The following CRTC1 variants were observed in gnomAD, a reference collection of about 807,000 sequenced individuals.
The protein encoded by CRTC1 is CREB regulated transcription coactivator 1.
CRTC1 carries 18 observed loss-of-function variants against 66.1 expected under a neutral mutation model. The observed-to-expected ratio is 0.27, with a 90% CI of 0.19 to 0.40. The LOEUF (loss-of-function observed/expected upper bound fraction) is 0.40, where lower values mean the gene tolerates loss of function less well. Ranked by LOEUF, CRTC1 falls within the 10% of genes least tolerant of loss-of-function variation. CRTC1 has a pLI of 1.00. For synonymous variants in CRTC1, 416 were observed against 398.8 expected (o/e 1.04, Z -0.51); for missense variants, 669 against 887.9 (o/e 0.75, Z 3.13).
intron 4 of CRTC1, 110 bp from the exon 5 acceptor site, chr19:18,749,671 A>G: frequency 1.2e-6 from 1 of 866,258 alleles, no homozygotes; most frequent in Non-Finnish European, 1.9e-6. Context: ...GCTCACAAAA[A>G]TGATCCACAG....
chr19:18,747,754 A>G (rs1205425487), intron 4 of CRTC1, among the ~76,000 whole-genome samples: 1 of 152,188 alleles, frequency 6.6e-6, no homozygotes, highest in Non-Finnish European at 1.5e-5. Flanking sequence ...TGATGATAAA[A>G]TTATATTAAC....
At chr19:18,691,955 C>T (rs1389751278) in intron 1 of CRTC1, among the ~76,000 whole-genome samples, 1 of 152,118 alleles carries the variant, frequency 6.6e-6, no homozygotes, top group Non-Finnish European at 1.5e-5. Flanking sequence ...TCAAATGATC[C>T]ACCTGCCTCG....
At chr19:18,754,009 G>A (rs1325724783) in intron 6 of CRTC1, among the ~76,000 whole-genome samples, 1 of 151,596 alleles carries the variant, frequency 6.6e-6, no homozygotes, top group African/African-American at 2.4e-5. Flanking sequence ...ACTGAGGTGG[G>A]AGAATCGTTT....
At chr19:18,757,609 C>T (rs1009259452) in intron 6 of CRTC1, among the ~76,000 whole-genome samples, 3 of 152,220 alleles carry the variant, frequency 2.0e-5, no homozygotes, top group African/African-American at 7.2e-5. Flanking sequence ...TGCCATGGCT[C>T]ACGCCTGTAA....
chr19:18,743,632 G>C lies in CRTC1; in HGVS notation c.243+606G>C, dbSNP rs528279734. ...GCTCTGCATGGACAGGTCCCCCTGG[G>C]GGGGGGTCACACCTACTCTGTGGCT... On this transcript the variant is annotated intron_variant, in intron 2 of 13. Transcript: ENST00000321949. 1.6e-4 allele frequency among the ~76,000 whole-genome samples: 25 copies of C among 152,292 alleles called. No individual in the cohort carries two copies. The South Asian group carries it at 4.1e-3, about 25-fold the overall frequency.
At chr19:18,724,647 G>T (rs577722917) in intron 1 of CRTC1, among the ~76,000 whole-genome samples, 20 of 149,902 alleles carry the variant, frequency 1.3e-4, no homozygotes, top group Non-Finnish European at 2.4e-4. Context: ...TGGCTGCATC[G>T]CCCCAATCCC....
At chr19:18,701,045 C>A (rs1568483558) in intron 1 of CRTC1, among the ~76,000 whole-genome samples, 1 of 152,216 alleles carries the variant, frequency 6.6e-6, no homozygotes, top group Non-Finnish European at 1.5e-5. Context: ...AATGCACAGA[C>A]CCTGGGGATG....
intron 1 of CRTC1, among the ~76,000 whole-genome samples, chr19:18,705,631 T>C (rs1470960872): frequency 6.6e-6 from 1 of 152,178 alleles, no homozygotes; most frequent in Admixed American, 6.5e-5. Context: ...CATGTTTAAT[T>C]TTTTGAGGAA....
chr19:18,707,977 C>T (rs867324959), intron 1 of CRTC1, among the ~76,000 whole-genome samples: 26 of 152,262 alleles, frequency 1.7e-4, no homozygotes, highest in African/African-American at 5.8e-4. Context: ...CATGAACAGT[C>T]CTCAGGACTG....
intron 1 of CRTC1, among the ~76,000 whole-genome samples, chr19:18,704,283 C>A (rs1192706734): frequency 1.3e-5 from 2 of 152,110 alleles, no homozygotes; most frequent in African/African-American, 4.8e-5. Context: ...TTTTAAAATT[C>A]TTTTGTAGAG....
At position 18,779,555 on chromosome 19, in the gene CRTC1, T is replaced by C. The variant is rs570136257; in HGVS notation, c.*2173T>C. On this transcript the variant is annotated 3_prime_UTR_variant, in exon 14 of 14. Transcript: ENST00000321949. ...TAAAAAAAAATGGCCTTAATAAAAT[T>C]ACAAGCAACCCGCCTGGATGCGGTT... 3.2e-5 allele frequency: 7 copies of C among 218,198 alleles called. No homozygotes were observed. The Admixed American group carries it at 3.5e-4, about 11-fold the overall frequency. 13.5% of individuals were successfully genotyped at this position (218,198 alleles called of 1,614,324 possible). A position where few individuals can be genotyped will look rare whatever the true frequency, so the allele number is the denominator to read the frequency against.
rs1486583746 is a variant in CRTC1 at position 18,778,086 on chromosome 19, T to A, written c.*704T>A. ...GTCTCCATCCCCTCGAAGCCCTGCC[T>A]CACCGCAGGCAGGCCCATCGGTGGC... On this transcript the variant is annotated 3_prime_UTR_variant, in exon 14 of 14. Coordinates refer to ENST00000321949, the MANE Select transcript of CRTC1 (RefSeq NM_015321.3). The A allele has an allele frequency of 3.0e-5, 7 of 233,108 alleles. No individual in the cohort carries two copies. The highest frequency in any genetic ancestry group is 1.5e-4 in the African/African-American group (7 of 45,428). 14.4% of individuals were successfully genotyped at this position (233,108 alleles called of 1,614,324 possible).
rs565085235 is a variant in CRTC1, at chr19:18,779,171, C to T, written c.*1789C>T. 7.3e-5 allele frequency: 17 copies of T among 232,386 alleles called. No individual in the cohort carries two copies. Among genetic ancestry groups the T allele is most frequent in the African/African-American group, 8.8e-5 (4 of 45,290 alleles). The allele number at this position is 232,386 out of a possible 1,614,324, so 14.4% of individuals were successfully genotyped here. Reference sequence around the variant, plus strand: ...CCGGGACAGCGCCTTCTGCTGAGTCCGTTTATTTGTAGTGTCATGGCTGCT... The same window carrying T: ...CCGGGACAGCGCCTTCTGCTGAGTCTGTTTATTTGTAGTGTCATGGCTGCT... On this transcript the variant is annotated 3_prime_UTR_variant, in exon 14 of 14. Coordinates refer to ENST00000321949, the MANE Select transcript of CRTC1 (RefSeq NM_015321.3).
chr19:18,764,949 C>A (rs2054696327), intron 8 of CRTC1, among the ~76,000 whole-genome samples: 1 of 152,222 alleles, frequency 6.6e-6, no homozygotes, highest in Admixed American at 6.5e-5. Flanking sequence ...CATTTATTGT[C>A]TCCTGAAAGT....
At chr19:18,754,504 C>A (rs1208267566) in intron 6 of CRTC1, among the ~76,000 whole-genome samples, 2 of 152,126 alleles carry the variant, frequency 1.3e-5, no homozygotes, top group Non-Finnish European at 2.9e-5. Context: ...TAGAGCAAGA[C>A]CCCTTCTGGT....
chr19:18,700,245 G>A (rs1371582745), intron 1 of CRTC1, among the ~76,000 whole-genome samples: 1 of 152,138 alleles, frequency 6.6e-6, no homozygotes, highest in African/African-American at 2.4e-5. Flanking sequence ...GTGCGGTGAG[G>A]CCCAGAGGGG....
intron 1 of CRTC1, among the ~76,000 whole-genome samples, chr19:18,723,597 T>A (rs2053677253): frequency 6.6e-6 from 1 of 152,232 alleles, no homozygotes; most frequent in Non-Finnish European, 1.5e-5. Context: ...AGGTCCAGTA[T>A]GGGTTTCCTA....
At chr19:18,691,191 CAAAAA>C (rs35591757) in intron 1 of CRTC1, among the ~76,000 whole-genome samples, 4 of 118,694 alleles carry the variant, frequency 3.4e-5, no homozygotes, top group African/African-American at 1.2e-4. Flanking sequence ...GATCCTGTCT[CAAAAA>C]AAAAAAAAAG....
intron 1 of CRTC1, among the ~76,000 whole-genome samples, chr19:18,693,095 GAAATT>G (rs2052888689): frequency 1.0e-5 from 1 of 96,002 alleles, no homozygotes; most frequent in African/African-American, 4.7e-5. Context: ...AAAAAAAAAA[GAAATT>G]CATTTTTCGG....
Sources: allele counts gnomAD v4.1 joint callset (sites outside exome capture counted in the v4.1 genomes callset), GRCh38; gene constraint gnomAD v4.1.1; transcripts MANE v1.5; gene names NCBI Gene and HGNC (gene_info 2026-07-23, HGNC 2026-07-21).